Variants in P3H1 observed in about 807,000 individuals in gnomAD.
The protein encoded by P3H1 is prolyl 3-hydroxylase 1, also known as growth suppressor 1.
P3H1 carries 69 observed loss-of-function variants against 84.0 expected under a neutral mutation model. The ratio of observed to expected loss-of-function variants is 0.82; its 90% CI spans 0.68 to 1.00. P3H1 has a LOEUF of 1.00. Ranked by LOEUF, P3H1 falls within the 50% of genes least tolerant of loss-of-function variation. P3H1 has a pLI of 0.00. For missense variants in P3H1, 878 were observed against 962.8 expected (o/e 0.91, Z 1.17); for synonymous variants, 366 against 388.8 (o/e 0.94, Z 0.69).
At chr1:42,755,054 C>T (rs1652317516) in intron 7 of P3H1, 64 bp from the exon 8 acceptor site, 2 of 1,613,868 alleles carry the variant, frequency 1.2e-6, no homozygotes, top group Middle Eastern at 3.3e-4. Context: ...CCCCGACTTC[C>T]CAAACTGGAC....
In P3H1 at chr1:42,755,545, C is replaced by T. The variant is rs751204819; in HGVS notation, c.1170+3G>A. 5 of 1,611,536 alleles carry T rather than the reference C, an allele frequency of 3.1e-6. No individual in the cohort carries two copies. Among genetic ancestry groups the T allele is most frequent in the Non-Finnish European group, 4.2e-6 (5 of 1,177,822 alleles). ...CCCTTCCGGCTCCTGTACCCTAGCT[C>T]ACCGGATCCACAAAGGGAATTCCAA... On this transcript the variant is annotated splice_donor_region_variant and intron_variant, in intron 6 of 14. Coordinates refer to ENST00000296388, the MANE Select transcript of P3H1 (RefSeq NM_022356.4).
intron 12 of P3H1, 82 bp downstream of exon 12, chr1:42,748,118 G>T (rs1651833681): frequency 2.0e-6 from 2 of 984,770 alleles, no homozygotes; most frequent in Admixed American, 3.6e-5. Flanking sequence ...TGTGTGCTAG[G>T]GTGGGGTAGT....
chr1:42,755,661 TC>T (rs1652368400), intron 5 of P3H1, 24 bp from the exon 6 acceptor site: 1 of 1,581,042 alleles, frequency 6.3e-7, no homozygotes, highest in Non-Finnish European at 8.7e-7. Context: ...AGCAAACAAA[TC>T]CCCCAGAACT....
chr1:42,754,809 G>C lies in P3H1; in HGVS notation c.1345+60C>G. On this transcript the variant is annotated intron_variant, in intron 8 of 14. Coordinates refer to ENST00000296388, the MANE Select transcript of P3H1 (RefSeq NM_022356.4). The surrounding 1 kb of genome is among the most constrained non-coding windows in gnomAD (Gnocchi z 4.0). Reference sequence around the variant, plus strand: ...GGGTGGAGCGCTGCCTGGCAAATGTGGGGTGACCTGCCTGGCTCCCTGACA... The same window carrying C: ...GGGTGGAGCGCTGCCTGGCAAATGTCGGGTGACCTGCCTGGCTCCCTGACA... 1.2e-6 allele frequency: 2 copies of C among 1,611,484 alleles called. No homozygotes were observed. The highest frequency in any genetic ancestry group is 1.7e-6 in the Non-Finnish European group (2 of 1,178,210).
In P3H1 at chr1:42,750,134, G is replaced by A. The variant is rs75763761; in HGVS notation, c.1720+52C>T. ...CTCTGTGTCTTCAGCATCCAGCACA[G>A]AGCTGAGGTACAGCATGCGGGGGCG... On this transcript the variant is annotated intron_variant, in intron 11 of 14. Coordinates refer to ENST00000296388, the MANE Select transcript of P3H1 (RefSeq NM_022356.4). 4,438 of 1,591,740 alleles carry A rather than the reference G, an allele frequency of 2.8e-3. 112 individuals are homozygous for A. The African/African-American group carries it at 0.051, about 18-fold the overall frequency.
rs1651727268 is a variant in P3H1 at position 42,746,717 on chromosome 1, T to G, written c.2191A>C (p.Lys731Gln). 6.4e-7 allele frequency: 1 copy of G among 1,551,780 alleles called. No individual in the cohort carries two copies. The highest frequency in any genetic ancestry group is 1.2e-5 in the South Asian group (1 of 84,078). The change falls in exon 15 of 15, where the codon AAG (lysine) becomes CAG (glutamine). Residue 731 changes from lysine (K) to glutamine (Q), a missense_variant. Coordinates refer to ENST00000296388, the MANE Select transcript of P3H1 (RefSeq NM_022356.4). The stretch of plus-strand genomic sequence containing the variant: ...CGCTGTCATAGCTCATCCTTGGGCT[T>G]CGATTCACTGCCTGAGAGAGACTCT... ...AQESLSGSESKPKDEL is the reference protein window; with the variant it reads ...AQESLSGSESQPKDEL
intron 10 of P3H1, among the ~76,000 whole-genome samples, chr1:42,750,934 G>A (rs1332064491): frequency 1.4e-5 from 2 of 140,348 alleles, no homozygotes; most frequent in East Asian, 2.3e-4. Context: ...CGCCCCGTCC[G>A]GGAGGGTGGT....
chr1:42,759,153 A>G (rs1347396481), intron 3 of P3H1, 48 bp downstream of exon 3: 2 of 1,597,488 alleles, frequency 1.3e-6, no homozygotes, highest in South Asian at 1.1e-5. Flanking sequence ...TGGTGACCTT[A>G]GAGTCCCAGG....
chr1:42,750,450 C>G (rs190336066), intron 10 of P3H1, 114 bp from the exon 11 acceptor site: 1 of 1,177,698 alleles, frequency 8.5e-7, no homozygotes, highest in African/African-American at 1.5e-5. Flanking sequence ...GTGGAAGGGA[C>G]CTGGTGGGAG....
At chr1:42,757,586 G>A (rs1186547524) in intron 5 of P3H1, among the ~76,000 whole-genome samples, 197 bp downstream of exon 5, 5 of 152,126 alleles carry the variant, frequency 3.3e-5, no homozygotes, top group African/African-American at 1.2e-4. Flanking sequence ...AGGCTCCTGT[G>A]TACTCCCCAC....
chr1:42,756,874 G>A (rs1487991967), intron 5 of P3H1, among the ~76,000 whole-genome samples: 1 of 152,194 alleles, frequency 6.6e-6, no homozygotes, highest in African/African-American at 2.4e-5. Flanking sequence ...CCCTAAAGTG[G>A]GAAGAAGAGT....
At chr1:42,755,451 GTTT>G in intron 6 of P3H1, 94 bp downstream of exon 6, 1 of 1,185,214 alleles carries the variant, frequency 8.4e-7, no homozygotes, top group Non-Finnish European at 1.3e-6. Context: ...CCTCCAGCAA[GTTT>G]TCTCTCAGAA....
Position 42,750,708 on chromosome 1 carries a change from C to T in P3H1, c.1570-372G>A, listed in dbSNP as rs1366511981. 4.9e-5 allele frequency among the ~76,000 whole-genome samples: 6 copies of T among 122,062 alleles called. 1 individual carries two copies. In the East Asian group the frequency reaches 1.2e-3, roughly 24 times the overall value. The allele number at this position is 122,062 out of a possible 152,430, so 80.1% of individuals were successfully genotyped here. On this transcript the variant is annotated intron_variant, in intron 10 of 14. Transcript: ENST00000296388. Reference sequence around the variant, plus strand: ...GAGGGAGGTGGGGGGGTCAGCCCCCCGCCCGGCCGGCCGCCCTGTCCGGGA... The same window carrying T: ...GAGGGAGGTGGGGGGGTCAGCCCCCTGCCCGGCCGGCCGCCCTGTCCGGGA...
intron 1 of P3H1, among the ~76,000 whole-genome samples, chr1:42,763,672 CAAAAAAAAAAAAA>C (rs766034061): frequency 2.4e-4 from 10 of 41,526 alleles, no homozygotes; most frequent in African/African-American, 9.8e-4. Flanking sequence ...ACTCTTGTCT[CAAAAAAAAAAAAA>C]AAAAAAAAAA....
intron 8 of P3H1, 51 bp from the exon 9 acceptor site, chr1:42,752,715 AGAC>A: frequency 1.9e-6 from 3 of 1,611,232 alleles, no homozygotes; most frequent in Non-Finnish European, 2.5e-6. Flanking sequence ...GCTAGACCAA[AGAC>A]TCTCCATTGG....
At position 42,747,424 on chromosome 1, in the gene P3H1, A is replaced by G. The variant is rs1651790572; in HGVS notation, c.1915-12T>C. The G allele has an allele frequency of 6.2e-7, 1 of 1,608,374 alleles. No homozygotes were observed. Among genetic ancestry groups the G allele is most frequent in the African/African-American group, 1.3e-5 (1 of 74,832 alleles). On this transcript the variant is annotated splice_polypyrimidine_tract_variant and intron_variant, in intron 13 of 14. Coordinates refer to ENST00000296388, the MANE Select transcript of P3H1 (RefSeq NM_022356.4). Reference sequence around the variant, plus strand: ...GGCTGCACCTCTGCCTAAGGGGGACAGAAAGGGAGGGGGGTTGCACAGGAC... The same window carrying G: ...GGCTGCACCTCTGCCTAAGGGGGACGGAAAGGGAGGGGGGTTGCACAGGAC...
chr1:42,757,750 T>C lies in P3H1; in HGVS notation c.1080+33A>G, dbSNP rs752694485. The C allele has an allele frequency of 5.0e-6, 8 of 1,614,144 alleles. No homozygotes were observed. In the Middle Eastern group the frequency reaches 9.9e-4, roughly 200 times the overall value. On this transcript the variant is annotated intron_variant, in intron 5 of 14. Transcript: ENST00000296388. ...TTCCGCCCTCAGGTCTGAGTTCAGC[T>C]GGCAGCTGTCATAACAGAAGGAAGT... is the stretch of plus-strand genomic sequence containing the variant.
In P3H1 at chr1:42,757,631, C is replaced by T. The variant is rs1020566470; in HGVS notation, c.1080+152G>A. 4.6e-5 allele frequency: 52 copies of T among 1,122,074 alleles called. No homozygotes were observed. In the Admixed American group the frequency reaches 9.6e-4, roughly 21 times the overall value. 69.5% of individuals were successfully genotyped at this position (1,122,074 alleles called of 1,614,324 possible). ...CTGTGCTCCCTTCTCCTCTGAATAA[C>T]AAGCCGAGTGACTGAACTCACATCT... On this transcript the variant is annotated intron_variant, in intron 5 of 14. Transcript: ENST00000296388.
At position 42,750,523 on chromosome 1, in the gene P3H1, G is replaced by A. The variant is rs551250724; in HGVS notation, c.1570-187C>T. Among the ~76,000 whole-genome samples the A allele has an allele frequency of 3.9e-5, 6 of 152,322 alleles. No individual in the cohort carries two copies. The East Asian group carries it at 9.7e-4, about 25-fold the overall frequency. On this transcript the variant is annotated intron_variant, in intron 10 of 14. Transcript: ENST00000296388. ...TCTCATAATACTGAATAAGTCTCAC[G>A]AGATCTGGTGGCTTTAAAAAAATGG...
Sources: allele counts gnomAD v4.1 joint callset (sites outside exome capture counted in the v4.1 genomes callset), GRCh38; gene constraint gnomAD v4.1.1; non-coding constraint Gnocchi (gnomAD v3.1); transcripts MANE v1.5; gene names NCBI Gene and HGNC (gene_info 2026-07-23, HGNC 2026-07-21).